C11orf65: variants seen among roughly 807,000 people sequenced by gnomAD.
The protein encoded by C11orf65 is chromosome 11 open reading frame 65.
C11orf65 carries 38 observed loss-of-function variants against 35.3 expected under a neutral mutation model. The observed-to-expected ratio is 1.08, with a 90% CI of 0.83 to 1.41. The LOEUF (loss-of-function observed/expected upper bound fraction) is 1.41. C11orf65 is among the 40% of genes most tolerant of loss of function. The pLI is 0.00. For synonymous variants in C11orf65, 105 were observed against 114.4 expected, an observed-to-expected ratio of 0.92 and a Z score of 0.53; for missense variants, 370 against 367.1, an observed-to-expected ratio of 1.01 and a Z score of -0.06.
intron 3 of C11orf65, among the ~76,000 whole-genome samples, chr11:108,424,446 T>C (rs2092869573): frequency 6.6e-6 from 1 of 152,100 alleles, no homozygotes; most frequent in African/African-American, 2.4e-5. Context: ...TACCTGAAAG[T>C]GATGGGGAGA....
chr11:108,364,375 A>G (rs943970962), intron 2 of C11orf65, among the ~76,000 whole-genome samples: 50 of 152,214 alleles, frequency 3.3e-4, no homozygotes, highest in African/African-American at 1.2e-3. Context: ...TGAACTGCCA[A>G]TATCAGAAAT....
At chr11:108,385,155 C>T (rs930832651) in intron 8 of C11orf65, among the ~76,000 whole-genome samples, 2 of 152,108 alleles carry the variant, frequency 1.3e-5, no homozygotes, top group East Asian at 1.9e-4. Context: ...CTCACTGCAA[C>T]CTCCGCCTCC....
chr11:108,347,219 CTATA>C, intron 2 of C11orf65: 1 of 1,253,966 alleles, frequency 8.0e-7, no homozygotes, highest in Non-Finnish European at 1.2e-6. Flanking sequence ...GAAATTATGG[CTATA>C]TATTAGAAAG....
chr11:108,414,358 AAG>A (rs953358365), intron 3 of C11orf65, among the ~76,000 whole-genome samples: 23 of 152,164 alleles, frequency 1.5e-4, no homozygotes, highest in African/African-American at 5.1e-4. Flanking sequence ...AGGAAAAAAA[AAG>A]AAACAAAATA....
At chr11:108,364,165 T>C (rs1048601041) in intron 2 of C11orf65, among the ~76,000 whole-genome samples, 1 of 152,150 alleles carries the variant, frequency 6.6e-6, no homozygotes, top group Non-Finnish European at 1.5e-5. Context: ...CTAAAGGCAT[T>C]TTATAGTCCC....
At chr11:108,379,178 G>A (rs1249129787), downstream of C11orf65, among the ~76,000 whole-genome samples, 7 of 152,178 alleles carry the variant, frequency 4.6e-5, no homozygotes, top group East Asian at 9.7e-4. Flanking sequence ...ACATGCACAC[G>A]TATGTTTATT....
At chr11:108,424,635 T>C (rs1274830844) in intron 3 of C11orf65, among the ~76,000 whole-genome samples, 2 of 152,162 alleles carry the variant, frequency 1.3e-5, no homozygotes. Context: ...TATTCAGGAC[T>C]TGATCTCAGC....
At chr11:108,438,731 T>G (rs1180335750) in intron 2 of C11orf65, among the ~76,000 whole-genome samples, 1 of 151,542 alleles carries the variant, frequency 6.6e-6, no homozygotes, top group African/African-American at 2.4e-5. Context: ...TCAGACTGGG[T>G]GCAGTGGCTC....
chr11:108,378,864 AAC>A (rs1314646223), downstream of C11orf65, among the ~76,000 whole-genome samples: 3 of 151,360 alleles, frequency 2.0e-5, no homozygotes, highest in East Asian at 5.8e-4. Flanking sequence ...GCAGCCAAAA[AAC>A]ACATGAAAAA....
intron 2 of C11orf65, among the ~76,000 whole-genome samples, chr11:108,352,637 A>G (rs980284103): frequency 1.3e-5 from 2 of 152,256 alleles, no homozygotes; most frequent in Admixed American, 1.3e-4. Flanking sequence ...TATTCATAAT[A>G]GCCAAGAACC....
intron 3 of C11orf65, among the ~76,000 whole-genome samples, chr11:108,408,117 A>C (rs990857354): frequency 6.6e-6 from 1 of 151,440 alleles, no homozygotes; most frequent in African/African-American, 2.4e-5. Context: ...GGTGCGCTGC[A>C]CCCACTAAAA....
intron 3 of C11orf65, among the ~76,000 whole-genome samples, chr11:108,413,567 C>T (rs1365508100): frequency 6.6e-6 from 1 of 152,168 alleles, no homozygotes; most frequent in Non-Finnish European, 1.5e-5. Context: ...CTGTCCTGAA[C>T]TTGAGTGGTA....
At chr11:108,388,315 G>A (rs2092062933) in intron 7 of C11orf65, among the ~76,000 whole-genome samples, 1 of 152,114 alleles carries the variant, frequency 6.6e-6, no homozygotes, top group Non-Finnish European at 1.5e-5. Context: ...AGCAGTAATT[G>A]ATAAGAAATC....
At chr11:108,388,562 G>C (rs909600627) in intron 7 of C11orf65, among the ~76,000 whole-genome samples, 4 of 152,160 alleles carry the variant, frequency 2.6e-5, no homozygotes. Flanking sequence ...CAAAGGAGCA[G>C]CTTCAGATAT....
chr11:108,437,951 T>C (rs996796754), intron 2 of C11orf65, among the ~76,000 whole-genome samples: 2 of 151,834 alleles, frequency 1.3e-5, no homozygotes, highest in African/African-American at 4.8e-5. Flanking sequence ...TGAAAAAGAA[T>C]AAAATAAGTG....
downstream of C11orf65, among the ~76,000 whole-genome samples, chr11:108,327,914 T>C (rs539331836): frequency 1.3e-5 from 2 of 152,210 alleles, no homozygotes; most frequent in African/African-American, 2.4e-5. Flanking sequence ...TAGGGTGGAG[T>C]GAAACATTGT....
At chr11:108,365,292 A>G (rs755440746) in intron 2 of C11orf65, 2 of 1,614,024 alleles carry the variant, frequency 1.2e-6, no homozygotes, top group Admixed American at 3.3e-5. Context: ...TAAACTGTTC[A>G]CCTCACTGAA....
chr11:108,378,237 A>G (rs981347930), downstream of C11orf65, among the ~76,000 whole-genome samples: 2 of 150,990 alleles, frequency 1.3e-5, no homozygotes, highest in Admixed American at 1.3e-4. Flanking sequence ...ACTATACTAC[A>G]AGGCTACAGT....
chr11:108,312,392 G>A lies in C11orf65; in HGVS notation c.641-3321C>T, dbSNP rs1679583556. On this transcript the variant is annotated intron_variant, in intron 6 of 6. Transcript: ENST00000525729. ...AAATAGTATGTTCTCATTAAAAGAG[G>A]TGTTCTTGTGACAAACAGAAGTCTT... 1 of 1,518,476 alleles carries A rather than the reference G, an allele frequency of 6.6e-7. No homozygotes were observed. The highest frequency in any genetic ancestry group is 1.7e-5 in the Admixed American group (1 of 59,832). 94.1% of individuals were successfully genotyped at this position (1,518,476 alleles called of 1,614,324 possible). A position where few individuals can be genotyped will look rare whatever the true frequency, so the allele number is the denominator to read the frequency against.
Sources: allele counts gnomAD v4.1 joint callset (sites outside exome capture counted in the v4.1 genomes callset), GRCh38; gene constraint gnomAD v4.1.1; transcripts MANE v1.5; gene names NCBI Gene and HGNC (gene_info 2026-07-23, HGNC 2026-07-21).